Variants in ANP32E observed in about 807,000 individuals in gnomAD.
The protein encoded by ANP32E is acidic leucine-rich nuclear phosphoprotein 32 family member E.
ANP32E carries 14 observed loss-of-function variants against 35.3 expected under a neutral mutation model. The observed-to-expected ratio is 0.40, with a 90% CI of 0.26 to 0.62. ANP32E has a LOEUF of 0.62. Ranked by LOEUF, ANP32E falls within the 20% of genes least tolerant of loss-of-function variation. The probability of loss-of-function intolerance (pLI) is 0.45; values close to 1 mark genes in which losing one functional copy is unlikely to be tolerated. For synonymous variants in ANP32E, 89 were observed against 110.4 expected (o/e 0.81, Z 1.22); for missense variants, 198 against 304.4 (o/e 0.65, Z 2.60).
intron 1 of ANP32E, among the ~76,000 whole-genome samples, chr1:150,233,407 G>T (rs1268481647): frequency 1.3e-5 from 2 of 151,812 alleles, no homozygotes; most frequent in Admixed American, 6.6e-5. Flanking sequence ...ACGTTAGAAA[G>T]CTCTTCTGGG....
intron 2 of ANP32E, 44 bp downstream of exon 2, chr1:150,231,733 C>T (rs1553841763): frequency 1.3e-6 from 2 of 1,554,122 alleles, no homozygotes; most frequent in Non-Finnish European, 1.7e-6. Context: ...AGACATATAG[C>T]CGTGGCATTG....
chr1:150,224,568 C>T (rs1209343784), intron 5 of ANP32E, among the ~76,000 whole-genome samples: 2 of 67,498 alleles, frequency 3.0e-5, no homozygotes, highest in African/African-American at 6.3e-5. Flanking sequence ...AACGAAACTC[C>T]GTCTCAAAAA....
At position 150,226,724 on chromosome 1, in the gene ANP32E, C is replaced by CATAT. The variant is rs1553840192; in HGVS notation, c.564_565insATAT (p.Glu189IlefsTer2). The CATAT allele has an allele frequency of 6.3e-7, 1 of 1,585,056 alleles. No homozygotes were observed. Among genetic ancestry groups the CATAT allele is most frequent in the Admixed American group, 1.7e-5 (1 of 59,890 alleles). ...TCCTCATCCTCCTCTTCCTCTTCCTCCTCCTCTTCCTCATATCCTTCCGGT... is the reference window on the plus strand; with the variant it reads ...TCCTCATCCTCCTCTTCCTCTTCCTCATATCTCCTCTTCCTCATATCCTTCCGGT... On this transcript the variant is annotated frameshift_variant, in exon 5 of 7. Transcript: ENST00000583931. LOFTEE classifies it high-confidence loss of function.
At chr1:150,230,973 C>G (rs1397608326) in intron 2 of ANP32E, among the ~76,000 whole-genome samples, 2 of 152,106 alleles carry the variant, frequency 1.3e-5, no homozygotes, top group African/African-American at 4.8e-5. Context: ...GAACTCCTGA[C>G]CTCAGGTGAT....
chr1:150,234,549 G>T, intron 1 of ANP32E: 2 of 974,592 alleles, frequency 2.1e-6, no homozygotes, highest in Non-Finnish European at 2.4e-6. Flanking sequence ...TCTATCGATC[G>T]GTCGATTCAG....
intron 1 of ANP32E, chr1:150,234,816 C>G (rs1431488788): frequency 3.7e-6 from 1 of 270,674 alleles, no homozygotes; most frequent in Non-Finnish European, 5.7e-6. Flanking sequence ...GCCTCCTACC[C>G]GACCCCCGAA....
In ANP32E at chr1:150,223,347, T is replaced by G. The variant is rs982258302; in HGVS notation, c.682-107A>C. 8 of 1,396,116 alleles carry G rather than the reference T, an allele frequency of 5.7e-6. No homozygotes were observed. In the Admixed American group the frequency reaches 1.8e-4, roughly 31 times the overall value. 86.5% of individuals were successfully genotyped at this position (1,396,116 alleles called of 1,614,324 possible). A position where few individuals can be genotyped will look rare whatever the true frequency, so the allele number is the denominator to read the frequency against. On this transcript the variant is annotated intron_variant, in intron 5 of 6. Coordinates refer to ENST00000583931, the MANE Select transcript of ANP32E (RefSeq NM_030920.5). ...CAAAGAAACTATGGTTATTCTGTGT[T>G]TTGACAACCTCTGCCATTCTTATAA...
In ANP32E at chr1:150,218,500, G is replaced by A. The variant is rs1472762107; in HGVS notation, c.*2191C>T. On this transcript the variant is annotated 3_prime_UTR_variant, in exon 7 of 7. Transcript: ENST00000583931. ...TTACAGCAGTCACAGAAAAAAACAGGGAACAGTCAAAAACAATAAAAGAAT... is the reference window on the plus strand; with the variant it reads ...TTACAGCAGTCACAGAAAAAAACAGAGAACAGTCAAAAACAATAAAAGAAT... The A allele has an allele frequency of 2.2e-4, 33 of 152,346 alleles. No individual in the cohort carries two copies. Among genetic ancestry groups the A allele is most frequent in the Non-Finnish European group, 7.4e-5 (5 of 67,980 alleles). The allele number at this position is 152,346 out of a possible 1,614,324, so 9.4% of individuals were successfully genotyped here.
chr1:150,223,090 G>A, intron 6 of ANP32E, 96 bp downstream of exon 6: 3 of 1,354,044 alleles, frequency 2.2e-6, no homozygotes, highest in Non-Finnish European at 3.0e-6. Context: ...GGCATTATAG[G>A]CTCATTCTTT....
intron 5 of ANP32E, among the ~76,000 whole-genome samples, chr1:150,223,681 C>CAAAAA (rs781932099): frequency 2.6e-5 from 2 of 76,752 alleles, no homozygotes; most frequent in African/African-American, 5.4e-5. Flanking sequence ...GGCTTCATCT[C>CAAAAA]AAAAAAAAAA....
At chr1:150,233,505 C>T (rs1418945558) in intron 1 of ANP32E, among the ~76,000 whole-genome samples, 1 of 152,142 alleles carries the variant, frequency 6.6e-6, no homozygotes, top group Non-Finnish European at 1.5e-5. Context: ...GTTACTTCTC[C>T]CTACCACTCT....
In ANP32E at chr1:150,236,046, A is replaced by C. The variant is rs1384670119; in HGVS notation, c.-260T>G. 6 of 508,032 alleles carry C rather than the reference A, an allele frequency of 1.2e-5. No homozygotes were observed. Among genetic ancestry groups the C allele is most frequent in the Non-Finnish European group, 2.1e-5 (6 of 280,132 alleles). The allele number at this position is 508,032 out of a possible 1,614,324, so 31.5% of individuals were successfully genotyped here. On this transcript the variant is annotated 5_prime_UTR_variant, in exon 1 of 7. Coordinates refer to ENST00000583931, the MANE Select transcript of ANP32E (RefSeq NM_030920.5). The stretch of plus-strand genomic sequence containing the variant: ...CACACACACGCACGCACGCGCGCAC[A>C]CACATACACACACACATACACACAC...
In ANP32E at chr1:150,231,679, T is replaced by C. The variant is rs1649359065; in HGVS notation, c.204+98A>G. ...TTCTTATCTCTAGAAACTTAAAAAC[T>C]TCTAATTAACAAGCAGAATGGTCAT... On this transcript the variant is annotated intron_variant, in intron 2 of 6. Transcript: ENST00000583931. The C allele has an allele frequency of 1.3e-5, 15 of 1,122,768 alleles. No homozygotes were observed. The South Asian group carries it at 2.9e-4, about 22-fold the overall frequency. 69.6% of individuals were successfully genotyped at this position (1,122,768 alleles called of 1,614,324 possible).
At chr1:150,233,668 C>A (rs1649551822) in intron 1 of ANP32E, among the ~76,000 whole-genome samples, 1 of 152,014 alleles carries the variant, frequency 6.6e-6, no homozygotes. Context: ...TTCTCTATAC[C>A]CAATGTGAAA....
At chr1:150,223,306 T>C in intron 5 of ANP32E, 66 bp from the exon 6 acceptor site, 4 of 1,496,060 alleles carry the variant, frequency 2.7e-6, no homozygotes, top group South Asian at 1.2e-5. Context: ...TTTCTTGTAA[T>C]ATATTCCAAC....
rs587608801 is a variant in ANP32E at position 150,219,923 on chromosome 1, T to C, written c.*768A>G. 1 of 152,164 alleles carries C rather than the reference T, an allele frequency of 6.6e-6. No homozygotes were observed. The highest frequency in any genetic ancestry group is 2.1e-4 in the South Asian group (1 of 4,818). The allele number at this position is 152,164 out of a possible 1,614,324, so 9.4% of individuals were successfully genotyped here. A position where few individuals can be genotyped will look rare whatever the true frequency, so the allele number is the denominator to read the frequency against. The stretch of plus-strand genomic sequence containing the variant: ...GAAGGGAAGGTGATCATAAAGGAAT[T>C]GCTAAGAAGAAAAAGAATGCACACC... On this transcript the variant is annotated 3_prime_UTR_variant, in exon 7 of 7. Transcript: ENST00000583931.
Position 150,231,670 on chromosome 1 carries a change from CT to C in ANP32E, c.204+106del. ...TATAACTTTTTCTTATCTCTAGAAACTTAAAAACTTCTAATTAACAAGCAGA... is the reference window on the plus strand; with the variant it reads ...TATAACTTTTTCTTATCTCTAGAAACTAAAAACTTCTAATTAACAAGCAGA... On this transcript the variant is annotated intron_variant, in intron 2 of 6. Coordinates refer to ENST00000583931, the MANE Select transcript of ANP32E (RefSeq NM_030920.5). The C allele has an allele frequency of 3.1e-6, 4 of 1,285,812 alleles. No individual in the cohort carries two copies. The South Asian group carries it at 6.7e-5, about 22-fold the overall frequency. The allele number at this position is 1,285,812 out of a possible 1,614,324, so 79.7% of individuals were successfully genotyped here.
Position 150,231,771 on chromosome 1 carries a change from A to G in ANP32E, c.204+6T>C. The G allele has an allele frequency of 6.2e-7, 1 of 1,604,210 alleles. No individual in the cohort carries two copies. Among genetic ancestry groups the G allele is most frequent in the Non-Finnish European group, 8.5e-7 (1 of 1,177,256 alleles). Reference sequence around the variant, plus strand: ...ATCATGATGCTTCACGTAAATGCCAACTTACTTTTCGAAGTTTATTTAAGC... The same window carrying G: ...ATCATGATGCTTCACGTAAATGCCAGCTTACTTTTCGAAGTTTATTTAAGC... On this transcript the variant is annotated splice_donor_region_variant and intron_variant, in intron 2 of 6. Coordinates refer to ENST00000583931, the MANE Select transcript of ANP32E (RefSeq NM_030920.5).
intron 5 of ANP32E, among the ~76,000 whole-genome samples, chr1:150,226,241 T>A (rs1648867444): frequency 6.6e-6 from 1 of 152,166 alleles, no homozygotes; most frequent in Admixed American, 6.5e-5. Context: ...ACTCCTGACC[T>A]CATGATCCAC....
Sources: gnomAD v4.1 joint callset for allele counts (sites outside exome capture counted in the v4.1 genomes callset) on GRCh38, gnomAD v4.1.1 for gene constraint, MANE v1.5 for transcripts, NCBI Gene and HGNC (gene_info 2026-07-23, HGNC 2026-07-21) for gene names.